MAP3K13: variants seen among roughly 807,000 people sequenced by gnomAD.
MAP3K13 encodes leucine zipper-bearing kinase.
Under a neutral mutation model 104.0 loss-of-function variants are expected in MAP3K13, and 52 were observed. The observed-to-expected ratio is 0.50, with a 90% CI of 0.40 to 0.63. MAP3K13 has a LOEUF of 0.63. Ranked by LOEUF, MAP3K13 falls within the 20% of genes least tolerant of loss-of-function variation. The probability of loss-of-function intolerance (pLI) is 0.00; values close to 1 mark genes in which losing one functional copy is unlikely to be tolerated. For synonymous variants in MAP3K13, 394 were observed against 442.2 expected, an observed-to-expected ratio of 0.89 and a Z score of 1.37; for missense variants, 914 against 1,218.5, an observed-to-expected ratio of 0.75 and a Z score of 3.72.
At chr3:185,421,480 G>A (rs1714126872) in intron 1 of MAP3K13, among the ~76,000 whole-genome samples, 1 of 152,174 alleles carries the variant, frequency 6.6e-6, no homozygotes, top group Admixed American at 6.5e-5. Flanking sequence ...TTACAGGCAT[G>A]AGCCACCGCA....
intron 2 of MAP3K13, among the ~76,000 whole-genome samples, chr3:185,320,579 G>C (rs1004652533): frequency 1.3e-5 from 2 of 152,076 alleles, no homozygotes; most frequent in African/African-American, 4.8e-5. Flanking sequence ...ACCTGACATA[G>C]GTTTCCCATG....
chr3:185,467,093 T>TGTTTTACCTAGAGTACTG, intron 10 of MAP3K13, 130 bp downstream of exon 10: 3 of 988,626 alleles, frequency 3.0e-6, no homozygotes, highest in Non-Finnish European at 4.5e-6. Flanking sequence ...CTCAGTACTC[T>TGTTTTACCTAGAGTACTG]AGGTAAAACA....
chr3:185,408,043 C>T (rs1342595787), intron 1 of MAP3K13, among the ~76,000 whole-genome samples: 2 of 151,050 alleles, frequency 1.3e-5, no homozygotes, highest in African/African-American at 4.9e-5. Flanking sequence ...TTTTTTTCTG[C>T]CTTACTTTTA....
intron 2 of MAP3K13, among the ~76,000 whole-genome samples, chr3:185,352,410 C>G (rs1384070892): frequency 1.3e-5 from 2 of 151,702 alleles, no homozygotes; most frequent in Non-Finnish European, 2.9e-5. Flanking sequence ...TGCCATTGCA[C>G]TCCACCCTGG....
chr3:185,406,777 A>G (rs1007754597), intron 1 of MAP3K13, among the ~76,000 whole-genome samples: 14 of 152,198 alleles, frequency 9.2e-5, no homozygotes, highest in African/African-American at 3.1e-4. Flanking sequence ...ACTTATTTTC[A>G]TATTTTAAAT....
At chr3:185,383,486 C>T (rs1218997342) in intron 1 of MAP3K13, among the ~76,000 whole-genome samples, 6 of 150,134 alleles carry the variant, frequency 4.0e-5, no homozygotes, top group African/African-American at 9.8e-5. Flanking sequence ...GGCGTGAACC[C>T]GGGAGGCGGA....
At chr3:185,329,634 G>A (rs1235425694) in intron 2 of MAP3K13, among the ~76,000 whole-genome samples, 1 of 152,160 alleles carries the variant, frequency 6.6e-6, no homozygotes, top group Non-Finnish European at 1.5e-5. Context: ...GTACTATGGT[G>A]CGTAAAATGA....
At chr3:185,424,405 G>A (rs1470826274) in intron 1 of MAP3K13, among the ~76,000 whole-genome samples, 1 of 152,184 alleles carries the variant, frequency 6.6e-6, no homozygotes, top group Non-Finnish European at 1.5e-5. Flanking sequence ...TCTGAACTTT[G>A]AGCTAGATTT....
intron 1 of MAP3K13, among the ~76,000 whole-genome samples, chr3:185,415,245 C>T (rs759175501): frequency 2.0e-5 from 3 of 152,042 alleles, no homozygotes; most frequent in Non-Finnish European, 4.4e-5. Flanking sequence ...CTCTGCCTCC[C>T]GGCTTCAAGA....
Position 185,418,784 on chromosome 3 carries a change from A to T in MAP3K13, c.-85-9713A>T. ...ATTGGGCGAGCACACGCCATGGCGG[A>T]GAGAGGAGACAGCCACGCTCCTCTC... On this transcript the variant is annotated intron_variant, in intron 1 of 13. Coordinates refer to ENST00000265026, the MANE Select transcript of MAP3K13 (RefSeq NM_004721.5). This position sits in a 1 kb window ranked among gnomAD's most constrained non-coding sequence, Gnocchi z 4.5. 2 of 1,596,946 alleles carry T rather than the reference A, an allele frequency of 1.3e-6. No individual in the cohort carries two copies. The highest frequency in any genetic ancestry group is 2.2e-5 in the South Asian group (2 of 90,056).
intron 6 of MAP3K13, 121 bp from the exon 7 acceptor site, chr3:185,451,166 A>G (rs1160857859): frequency 1.6e-6 from 1 of 628,800 alleles, no homozygotes; most frequent in Non-Finnish European, 2.8e-6. Flanking sequence ...AATGGAGTAC[A>G]GCTGGTTTTA....
intron 1 of MAP3K13, among the ~76,000 whole-genome samples, chr3:185,395,976 G>A (rs1712390446): frequency 6.6e-6 from 1 of 152,094 alleles, no homozygotes; most frequent in Non-Finnish European, 1.5e-5. Flanking sequence ...ACTGCGTCTG[G>A]CCCTAATTTA....
chr3:185,321,435 T>C (rs112650888), intron 2 of MAP3K13, among the ~76,000 whole-genome samples: 1 of 152,212 alleles, frequency 6.6e-6, no homozygotes, highest in Non-Finnish European at 1.5e-5. Flanking sequence ...TACAGACATA[T>C]AGGATACATA....
At chr3:185,373,815 T>G (rs1296929866) in intron 1 of MAP3K13, among the ~76,000 whole-genome samples, 1 of 139,446 alleles carries the variant, frequency 7.2e-6, no homozygotes, top group Non-Finnish European at 1.5e-5. Flanking sequence ...TCCTATACAG[T>G]GAAAAGGATT....
chr3:185,482,741 G>A lies in MAP3K13; in HGVS notation c.*285G>A. ...TACTGTAACATTGATATTTATTTTT[G>A]TTTGACATTTTAACACTTTGTACTG... On this transcript the variant is annotated 3_prime_UTR_variant, in exon 14 of 14. Coordinates refer to ENST00000265026, the MANE Select transcript of MAP3K13 (RefSeq NM_004721.5). The surrounding 1 kb of genome is among the most constrained non-coding windows in gnomAD (Gnocchi z 4.5). 1 of 321,642 alleles carries A rather than the reference G, an allele frequency of 3.1e-6. No homozygotes were observed. The highest frequency in any genetic ancestry group is 2.1e-5 in the African/African-American group (1 of 47,614). 19.9% of individuals were successfully genotyped at this position (321,642 alleles called of 1,614,324 possible).
intron 3 of MAP3K13, among the ~76,000 whole-genome samples, chr3:185,438,412 A>T (rs537776725): frequency 2.0e-5 from 3 of 152,222 alleles, no homozygotes; most frequent in South Asian, 2.1e-4. Flanking sequence ...TTCTGTTAGC[A>T]TCCCTTCTTA....
chr3:185,364,106 C>T (rs1723763871), intron 1 of MAP3K13, among the ~76,000 whole-genome samples: 1 of 152,200 alleles, frequency 6.6e-6, no homozygotes, highest in South Asian at 2.1e-4. Context: ...CATAGAAATG[C>T]ACATGAGTGT....
intron 1 of MAP3K13, among the ~76,000 whole-genome samples, chr3:185,416,389 GT>G (rs1259100556): frequency 2.6e-5 from 4 of 151,282 alleles, no homozygotes; most frequent in Admixed American, 6.6e-5. Flanking sequence ...GGGTAAATGT[GT>G]TTTTTTATAT....
In MAP3K13 at chr3:185,483,420, G is replaced by A. The variant is rs763105781; in HGVS notation, c.*964G>A. On this transcript the variant is annotated 3_prime_UTR_variant, in exon 14 of 14. Transcript: ENST00000265026. ...CACTTCCTGTAGGAACAAAGGTTGGGGGGCAGTACTGAGGAGGAGAAAAGG... is the reference window on the plus strand; with the variant it reads ...CACTTCCTGTAGGAACAAAGGTTGGAGGGCAGTACTGAGGAGGAGAAAAGG... The A allele has an allele frequency of 2.6e-4, 59 of 231,304 alleles. No individual in the cohort carries two copies. The highest frequency in any genetic ancestry group is 4.6e-4 in the Non-Finnish European group (54 of 116,978). The allele number at this position is 231,304 out of a possible 1,614,324, so 14.3% of individuals were successfully genotyped here.
Sources: gnomAD v4.1 joint callset for allele counts (sites outside exome capture counted in the v4.1 genomes callset) on GRCh38, gnomAD v4.1.1 for gene constraint, Gnocchi (gnomAD v3.1) non-coding constraint, MANE v1.5 for transcripts, NCBI Gene and HGNC (gene_info 2026-07-23, HGNC 2026-07-21) for gene names.